The following GNAT3 variants were observed in gnomAD, a reference collection of about 807,000 sequenced individuals.
GNAT3 encodes G protein subunit alpha transducin 3.
A neutral mutation model predicts 37.7 loss-of-function variants in GNAT3; 31 were observed. That is an observed-to-expected ratio of 0.82 (90% CI 0.62 to 1.11). The LOEUF is 1.11. GNAT3 is among the 50% of genes most tolerant of loss of function. The pLI, the probability that GNAT3 is intolerant of heterozygous loss-of-function variation, is 0.00. For missense variants in GNAT3, 437 were observed against 412.5 expected, an observed-to-expected ratio of 1.06 and a Z score of -0.51; for synonymous variants, 138 against 139.8, an observed-to-expected ratio of 0.99 and a Z score of 0.09.
At chr7:80,487,463 A>G (rs1257690478) in intron 3 of GNAT3, among the ~76,000 whole-genome samples, 3 of 152,172 alleles carry the variant, frequency 2.0e-5, no homozygotes, top group Admixed American at 2.0e-4. Context: ...TTCTTTGAAG[A>G]AAAGTGACAG....
intron 1 of GNAT3, among the ~76,000 whole-genome samples, chr7:80,495,851 C>CT (rs1390006196): frequency 6.6e-6 from 1 of 152,056 alleles, no homozygotes; most frequent in Non-Finnish European, 1.5e-5. Context: ...TGTATGTCTT[C>CT]TTTGAAAAAT....
rs1166872509 is a variant in GNAT3 at position 80,478,892 on chromosome 7, T to C, written c.410A>G (p.Gln137Arg). ...TTCAGATGCCCTTTCAAAGCAGGCCTGAATTCCTGGATCTCTCCACAGCCG... is the reference window on the plus strand; with the variant it reads ...TTCAGATGCCCTTTCAAAGCAGGCCCGAATTCCTGGATCTCTCCACAGCCG... ...IKRLWRDPGIQACFERASEYQ... is the reference protein window; with the variant it reads ...IKRLWRDPGIRACFERASEYQ... Residue 137 changes from glutamine (Q) to arginine (R), a missense_variant, in exon 4 of 8, where the codon CAG becomes CGG. Coordinates refer to ENST00000398291, the MANE Select transcript of GNAT3 (RefSeq NM_001102386.3). 1 of 1,613,442 alleles carries C rather than the reference T, an allele frequency of 6.2e-7. No homozygotes were observed.
chr7:80,507,573 T>C (rs979461872), intron 1 of GNAT3, among the ~76,000 whole-genome samples: 4 of 152,004 alleles, frequency 2.6e-5, no homozygotes, highest in Non-Finnish European at 5.9e-5. Context: ...TCTCTGAGTT[T>C]ATGTGGCTAG....
intron 4 of GNAT3, among the ~76,000 whole-genome samples, chr7:80,477,295 T>C (rs542936511): frequency 1.6e-4 from 24 of 152,312 alleles, no homozygotes; most frequent in African/African-American, 5.5e-4. Flanking sequence ...CAAGATTTTA[T>C]GGAAATATTC....
chr7:80,507,513 A>G (rs753701950), intron 1 of GNAT3, among the ~76,000 whole-genome samples: 14 of 152,020 alleles, frequency 9.2e-5, no homozygotes, highest in Non-Finnish European at 1.9e-4. Context: ...AGAATAAACC[A>G]CGTTTGTCTA....
chr7:80,483,667 A>C, intron 3 of GNAT3, among the ~76,000 whole-genome samples: 1 of 151,526 alleles, frequency 6.6e-6, no homozygotes, highest in East Asian at 1.9e-4. Context: ...AGATGCACTG[A>C]ACAATTTGTT....
At chr7:80,474,675 C>T (rs1790276514) in intron 4 of GNAT3, among the ~76,000 whole-genome samples, 1 of 152,072 alleles carries the variant, frequency 6.6e-6, no homozygotes, top group African/African-American at 2.4e-5. Context: ...CCCCAGCGTC[C>T]TCTTCTAAAG....
intron 1 of GNAT3, among the ~76,000 whole-genome samples, chr7:80,497,624 ATATACATATACGTATATACATATACG>A: frequency 8.6e-6 from 1 of 115,706 alleles, no homozygotes. Flanking sequence ...ACATATACGT[ATATACATATACGTATATACATATACG>A]TATATACATA....
At chr7:80,486,968 T>C (rs1368315562) in intron 3 of GNAT3, among the ~76,000 whole-genome samples, 3 of 152,046 alleles carry the variant, frequency 2.0e-5, no homozygotes, top group South Asian at 2.1e-4. Flanking sequence ...ATTCAGAGGG[T>C]ACGTCTATTT....
At chr7:80,478,285 A>C (rs908491660) in intron 4 of GNAT3, among the ~76,000 whole-genome samples, 1 of 152,218 alleles carries the variant, frequency 6.6e-6, no homozygotes, top group Non-Finnish European at 1.5e-5. Flanking sequence ...CCTTATGGTT[A>C]ATTAATGCTA....
chr7:80,505,524 G>A (rs1294454848), intron 1 of GNAT3, among the ~76,000 whole-genome samples: 1 of 151,974 alleles, frequency 6.6e-6, no homozygotes, highest in African/African-American at 2.4e-5. Context: ...CCGCCAACAC[G>A]CCCGGCTAAC....
At chr7:80,467,423 C>G (rs138196901) in intron 5 of GNAT3, among the ~76,000 whole-genome samples, 5 of 152,234 alleles carry the variant, frequency 3.3e-5, no homozygotes, top group Non-Finnish European at 7.4e-5. Context: ...TGCTCATTAG[C>G]AAATCAGATC....
At chr7:80,466,470 C>T (rs1790132129) in intron 5 of GNAT3, among the ~76,000 whole-genome samples, 1 of 152,052 alleles carries the variant, frequency 6.6e-6, no homozygotes, top group South Asian at 2.1e-4. Context: ...GCTCAGATTT[C>T]CTGCAGAGTG....
At chr7:80,477,507 A>C (rs182266834) in intron 4 of GNAT3, among the ~76,000 whole-genome samples, 2 of 152,292 alleles carry the variant, frequency 1.3e-5, no homozygotes, top group East Asian at 3.9e-4. Flanking sequence ...CTCCTCCAAA[A>C]GCAATGTGCC....
Position 80,476,867 on chromosome 7 carries a change from A to C in GNAT3, c.461+1974T>G, listed in dbSNP as rs186098922. Among the ~76,000 whole-genome samples, 164 of 151,946 alleles carry C rather than the reference A, an allele frequency of 1.1e-3. 1 individual carries two copies. Among genetic ancestry groups the C allele is most frequent in the African/African-American group, 3.7e-3 (152 of 41,428 alleles). On this transcript the variant is annotated intron_variant, in intron 4 of 7. Transcript: ENST00000398291. ...GGACACCTAAGAGCAGAAAAAAAAAACCACTTTATTATTATTATTACTTTT... is the reference window on the plus strand; with the variant it reads ...GGACACCTAAGAGCAGAAAAAAAAACCCACTTTATTATTATTATTACTTTT...
chr7:80,500,109 T>C (rs1282528340), intron 1 of GNAT3, among the ~76,000 whole-genome samples: 4 of 152,172 alleles, frequency 2.6e-5, no homozygotes, highest in African/African-American at 2.4e-5. Flanking sequence ...CTGAAAATTA[T>C]GCTGTAGATA....
At chr7:80,495,759 C>T (rs1790705413) in intron 1 of GNAT3, among the ~76,000 whole-genome samples, 2 of 152,120 alleles carry the variant, frequency 1.3e-5, no homozygotes, top group East Asian at 1.9e-4. Flanking sequence ...AGCCACTGCA[C>T]CTGGCCTTCA....
chr7:80,485,840 A>G (rs111766438), intron 3 of GNAT3, among the ~76,000 whole-genome samples: 1 of 152,036 alleles, frequency 6.6e-6, no homozygotes, highest in Non-Finnish European at 1.5e-5. Flanking sequence ...TCCTTCTTTA[A>G]TAGTCATTGT....
Position 80,506,933 on chromosome 7 carries a change from A to G in GNAT3, c.118+4876T>C, listed in dbSNP as rs368465357. Among the ~76,000 whole-genome samples the G allele has an allele frequency of 2.6e-5, 4 of 152,246 alleles. No homozygotes were observed. In the East Asian group the frequency reaches 7.7e-4, roughly 29 times the overall value. The stretch of plus-strand genomic sequence containing the variant: ...AATGCAATACGATGTCATTAACTGT[A>G]GCCATTATGCTATATAAAAATATTT... On this transcript the variant is annotated intron_variant, in intron 1 of 7. Coordinates refer to ENST00000398291, the MANE Select transcript of GNAT3 (RefSeq NM_001102386.3).
Sources: gnomAD v4.1 joint callset for allele counts (sites outside exome capture counted in the v4.1 genomes callset) on GRCh38, gnomAD v4.1.1 for gene constraint, MANE v1.5 for transcripts, NCBI Gene and HGNC (gene_info 2026-07-23, HGNC 2026-07-21) for gene names.